The following PCNX2 variants were observed in gnomAD, a reference collection of about 807,000 sequenced individuals.
The protein encoded by PCNX2 is pecanex 2.
Under a neutral mutation model 223.8 loss-of-function variants are expected in PCNX2, and 168 were observed. The ratio of observed to expected loss-of-function variants is 0.75; its 90% CI spans 0.66 to 0.85. The LOEUF (loss-of-function observed/expected upper bound fraction) is 0.85. Among genes scored for constraint, PCNX2 ranks in the 40% least tolerant of loss-of-function variants. The pLI is 0.00. For missense variants in PCNX2, 2,507 were observed against 2,675.5 expected (o/e 0.94, Z 1.39); for synonymous variants, 1,006 against 1,052.6 (o/e 0.96, Z 0.86).
intron 19 of PCNX2, among the ~76,000 whole-genome samples, chr1:233,159,690 T>C (rs1176846639): frequency 6.6e-6 from 1 of 152,238 alleles, no homozygotes; most frequent in Admixed American, 6.5e-5. Flanking sequence ...AGAAGAAATC[T>C]ATTTCTTCTC....
chr1:233,115,896 T>G (rs1352793393), intron 21 of PCNX2, among the ~76,000 whole-genome samples: 3 of 152,144 alleles, frequency 2.0e-5, no homozygotes, highest in Non-Finnish European at 4.4e-5. Flanking sequence ...ATAACTCAAC[T>G]ATATGCTGTC....
intron 10 of PCNX2, among the ~76,000 whole-genome samples, chr1:233,226,270 T>G (rs1424266715): frequency 6.6e-6 from 1 of 151,992 alleles, no homozygotes; most frequent in East Asian, 1.9e-4. Flanking sequence ...CATGTTTTCT[T>G]TTTTCTGGGT....
At position 233,000,246 on chromosome 1, in the gene PCNX2, T is replaced by G; in HGVS notation, c.5328+59A>C. 4.0e-6 allele frequency: 6 copies of G among 1,505,692 alleles called. No individual in the cohort carries two copies. The highest frequency in any genetic ancestry group is 5.5e-6 in the Non-Finnish European group (6 of 1,082,338). 93.3% of individuals were successfully genotyped at this position (1,505,692 alleles called of 1,614,324 possible). A position where few individuals can be genotyped will look rare whatever the true frequency, so the allele number is the denominator to read the frequency against. On this transcript the variant is annotated intron_variant, in intron 30 of 33. Transcript: ENST00000258229. This position sits in a 1 kb window ranked among gnomAD's most constrained non-coding sequence, Gnocchi z 4.6. ...GCCCCCCTGCCCACCACCATTCTAT[T>G]TCTTCTCAGATAGAGAGACACGAGC...
At position 233,031,810 on chromosome 1, in the gene PCNX2, T is replaced by A. The variant is rs1005087770; in HGVS notation, c.4352-6411A>T. On this transcript the variant is annotated intron_variant, in intron 25 of 33. Transcript: ENST00000258229. ...CTTTTTTTTTTTTTTTTTTAAACATTTCAAGGGTCTCTTAACTCATTCTCC... is the reference window on the plus strand; with the variant it reads ...CTTTTTTTTTTTTTTTTTTAAACATATCAAGGGTCTCTTAACTCATTCTCC... The A allele has an allele frequency of 6.1e-6, 6 of 984,486 alleles. No individual in the cohort carries two copies. The African/African-American group carries it at 1.1e-4, about 17-fold the overall frequency. The allele number at this position is 984,486 out of a possible 1,614,324, so 61.0% of individuals were successfully genotyped here.
intron 15 of PCNX2, among the ~76,000 whole-genome samples, chr1:233,195,059 A>G (rs977893462): frequency 6.6e-6 from 1 of 151,994 alleles, no homozygotes; most frequent in Non-Finnish European, 1.5e-5. Flanking sequence ...AACTTCATAG[A>G]CATCAAATTT....
At chr1:233,110,940 T>A (rs765250043) in intron 21 of PCNX2, among the ~76,000 whole-genome samples, 9 of 152,086 alleles carry the variant, frequency 5.9e-5, no homozygotes, top group Non-Finnish European at 1.0e-4. Flanking sequence ...ATTCCTAATA[T>A]AAGAGAATGA....
intron 28 of PCNX2, among the ~76,000 whole-genome samples, chr1:233,008,926 C>G (rs1670372599): frequency 6.6e-6 from 1 of 152,186 alleles, no homozygotes; most frequent in Non-Finnish European, 1.5e-5. Context: ...TGCCCTGGAG[C>G]AGCTGGGCCA....
At chr1:233,080,396 AC>A (rs1673300418) in intron 23 of PCNX2, among the ~76,000 whole-genome samples, 3 of 137,526 alleles carry the variant, frequency 2.2e-5, no homozygotes, top group African/African-American at 1.0e-4. Flanking sequence ...ACACACACAC[AC>A]ACAAACACAC....
At chr1:233,319,480 G>A in the PCNX2 span, among the ~76,000 whole-genome samples, 11 of 152,154 alleles carry the variant, frequency 7.2e-5, no homozygotes, top group South Asian at 1.7e-3. Context: ...GCTTATGGTC[G>A]TCAGGTCTAA....
chr1:233,276,625 C>T (rs2103015382), intron 1 of PCNX2, among the ~76,000 whole-genome samples: 1 of 152,288 alleles, frequency 6.6e-6, no homozygotes. Flanking sequence ...AAGAAATAAG[C>T]AGAACCAGTT....
intron 25 of PCNX2, among the ~76,000 whole-genome samples, chr1:233,032,291 A>T (rs6424266): frequency 6.6e-6 from 1 of 151,826 alleles, no homozygotes; most frequent in Non-Finnish European, 1.5e-5. Context: ...TAGTAGAGAC[A>T]GGGGTTTCTC....
intron 20 of PCNX2, among the ~76,000 whole-genome samples, chr1:233,135,888 C>A (rs928835424): frequency 2.0e-5 from 3 of 152,102 alleles, no homozygotes; most frequent in Admixed American, 1.3e-4. Context: ...AGTTAAGGAG[C>A]TCAGCAAAAC....
intron 28 of PCNX2, among the ~76,000 whole-genome samples, chr1:233,008,422 C>A (rs1223630595): frequency 6.6e-6 from 1 of 152,190 alleles, no homozygotes; most frequent in Admixed American, 6.5e-5. Context: ...AATCTTGGTT[C>A]TGATACTTGT....
At chr1:233,192,614 TC>T (rs1001844886) in intron 15 of PCNX2, among the ~76,000 whole-genome samples, 26 of 151,708 alleles carry the variant, frequency 1.7e-4, no homozygotes, top group African/African-American at 6.3e-4. Context: ...CACATTTACA[TC>T]AAAAAAAAAG....
At chr1:233,228,013 T>C (rs1558367909) in intron 9 of PCNX2, among the ~76,000 whole-genome samples, 1 of 152,194 alleles carries the variant, frequency 6.6e-6, no homozygotes, top group Non-Finnish European at 1.5e-5. Context: ...TTGATTTGTC[T>C]ATCAAATACT....
chr1:233,201,167 A>C (rs1447365025), intron 13 of PCNX2, among the ~76,000 whole-genome samples: 10 of 151,046 alleles, frequency 6.6e-5, no homozygotes, highest in African/African-American at 2.4e-4. Context: ...AGTACTGAGG[A>C]ACTGTTCCAA....
intron 21 of PCNX2, among the ~76,000 whole-genome samples, chr1:233,118,505 A>C (rs1675560314): frequency 6.6e-6 from 1 of 151,758 alleles, no homozygotes; most frequent in South Asian, 2.1e-4. Flanking sequence ...AAAAAAAAAA[A>C]AAAAAACCCT....
intron 21 of PCNX2, among the ~76,000 whole-genome samples, chr1:233,112,263 T>C (rs1675158156): frequency 6.6e-6 from 1 of 152,184 alleles, no homozygotes; most frequent in Admixed American, 6.5e-5. Context: ...ACAAGATGCC[T>C]ACAGCCAGCA....
intron 11 of PCNX2, 45 bp from the exon 12 acceptor site, chr1:233,217,976 C>T (rs2102928175): frequency 6.2e-7 from 1 of 1,613,386 alleles, no homozygotes; most frequent in Non-Finnish European, 8.5e-7. Flanking sequence ...CTCATGATTT[C>T]AAGGCTACAT....
Sources: allele counts gnomAD v4.1 joint callset (sites outside exome capture counted in the v4.1 genomes callset), GRCh38; gene constraint gnomAD v4.1.1; non-coding constraint Gnocchi (gnomAD v3.1); transcripts MANE v1.5; gene names NCBI Gene and HGNC (gene_info 2026-07-23, HGNC 2026-07-21).